Variants in SYNPO2 observed in about 807,000 individuals in gnomAD.
SYNPO2 encodes synaptopodin 2, also known as synaptopodin-2.
Under a neutral mutation model 85.0 loss-of-function variants are expected in SYNPO2, and 56 were observed. That is an observed-to-expected ratio of 0.66 (90% CI 0.53 to 0.82). The LOEUF (loss-of-function observed/expected upper bound fraction) is 0.82, where lower values mean the gene tolerates loss of function less well. SYNPO2 is among the 40% of genes least tolerant of loss of function. SYNPO2 has a pLI of 0.00. For missense variants in SYNPO2, 1,575 were observed against 1,534.2 expected (o/e 1.03, Z -0.44); for synonymous variants, 602 against 591.1 (o/e 1.02, Z -0.27).
intron 1 of SYNPO2, among the ~76,000 whole-genome samples, chr4:118,960,170 C>T (rs1425631040): frequency 6.6e-6 from 1 of 152,136 alleles, no homozygotes; most frequent in African/African-American, 2.4e-5. Context: ...CCTGCTGACA[C>T]CTTGATTTTG....
chr4:118,899,615 C>T (rs948685074), intron 1 of SYNPO2, among the ~76,000 whole-genome samples: 34 of 152,208 alleles, frequency 2.2e-4, no homozygotes, highest in Non-Finnish European at 4.4e-4. Flanking sequence ...TTTTCATTTT[C>T]GTCAATAAAT....
At chr4:118,954,165 G>C (rs1734792057) in intron 1 of SYNPO2, among the ~76,000 whole-genome samples, 1 of 152,076 alleles carries the variant, frequency 6.6e-6, no homozygotes, top group African/African-American at 2.4e-5. Context: ...TTTCATTTCA[G>C]TTTTTAAAAA....
intron 1 of SYNPO2, among the ~76,000 whole-genome samples, chr4:118,925,622 C>A (rs756129498): frequency 2.6e-5 from 4 of 152,230 alleles, no homozygotes; most frequent in Middle Eastern, 6.8e-3. Flanking sequence ...ACATTCATTA[C>A]CTTTAGACTT....
At chr4:119,032,929 T>TTGGGCC in intron 4 of SYNPO2, 1 of 905,314 alleles carries the variant, frequency 1.1e-6, no homozygotes, top group Non-Finnish European at 1.3e-6. Flanking sequence ...AAAGGTTGAT[T>TTGGGCC]CCCACCCTCC....
At chr4:118,953,986 G>T (rs1734780792) in intron 1 of SYNPO2, among the ~76,000 whole-genome samples, 1 of 152,142 alleles carries the variant, frequency 6.6e-6, no homozygotes, top group African/African-American at 2.4e-5. Flanking sequence ...CATGATTTCT[G>T]CAGGTCCTTG....
At chr4:119,007,258 A>ATG (rs1737097809) in intron 1 of SYNPO2, among the ~76,000 whole-genome samples, 2 of 48,184 alleles carry the variant, frequency 4.2e-5, no homozygotes, top group African/African-American at 1.6e-4. Context: ...ATATACATAT[A>ATG]TATATATATA....
chr4:118,914,746 T>A (rs1733254212), intron 1 of SYNPO2, among the ~76,000 whole-genome samples: 1 of 151,978 alleles, frequency 6.6e-6, no homozygotes. Context: ...AAATAAAATG[T>A]AATTGGTGAG....
intron 1 of SYNPO2, among the ~76,000 whole-genome samples, chr4:118,901,705 A>G (rs1732761506): frequency 6.6e-6 from 1 of 152,224 alleles, no homozygotes; most frequent in Non-Finnish European, 1.5e-5. Context: ...AATATATTGC[A>G]AAATACTGAA....
chr4:118,933,233 T>C (rs1033023825), intron 1 of SYNPO2, among the ~76,000 whole-genome samples: 1 of 152,212 alleles, frequency 6.6e-6, no homozygotes, highest in African/African-American at 2.4e-5. Flanking sequence ...AGGAACAAGG[T>C]AGAACTTTAA....
intron 1 of SYNPO2, among the ~76,000 whole-genome samples, chr4:118,999,604 T>C (rs193087068): frequency 1.5e-5 from 2 of 129,904 alleles, no homozygotes; most frequent in East Asian, 3.9e-4. Context: ...TGTATGCATG[T>C]ATTTATTTAT....
chr4:119,030,455 T>A lies in SYNPO2; in HGVS notation c.1680T>A (p.Gly560=). 1.2e-6 allele frequency: 2 copies of A among 1,614,156 alleles called. No homozygotes were observed. Among genetic ancestry groups the A allele is most frequent in the South Asian group, 1.1e-5 (1 of 91,082 alleles). The change falls in exon 4 of 5, where the codon GGT becomes GGA. Residue 560 remains glycine, a synonymous_variant. Coordinates refer to ENST00000307142, the MANE Select transcript of SYNPO2 (RefSeq NM_133477.3). ...AAAGCTACATCGAGGTGAGTCATGG[T>A]CTTGGCCATGTTCCCCAACAGAATG... ...VSKSYIEVSH[G]LGHVPQQNGF... is the part of the protein sequence containing the mutation.
intron 1 of SYNPO2, among the ~76,000 whole-genome samples, chr4:118,877,179 C>A (rs556159530): frequency 3.9e-5 from 6 of 152,168 alleles, no homozygotes; most frequent in Non-Finnish European, 8.8e-5. Flanking sequence ...GCTCAAGAAT[C>A]TTATTTTACC....
intron 3 of SYNPO2, 81 bp downstream of exon 3, chr4:119,027,519 C>T (rs1738023815): frequency 1.6e-6 from 2 of 1,278,180 alleles, no homozygotes; most frequent in East Asian, 5.1e-5. Context: ...AGTTTTTCAG[C>T]AAGATTTTTC....
At chr4:118,915,291 A>G (rs923806904) in intron 1 of SYNPO2, among the ~76,000 whole-genome samples, 6 of 152,076 alleles carry the variant, frequency 3.9e-5, no homozygotes, top group African/African-American at 1.4e-4. Flanking sequence ...CAATATTATC[A>G]CCCTGCCTCT....
chr4:119,057,730 T>C lies in SYNPO2; in HGVS notation c.3582T>C (p.Cys1194=). 6.2e-7 allele frequency: 1 copy of C among 1,614,176 alleles called. No individual in the cohort carries two copies. ...PQTQKAYMGS[C]GRQEYNVTAN... is the part of the protein sequence containing the mutation. ...CCCAGAAGGCCTATATGGGCTCATG[T>C]GGAAGGCAAGAGTATAATGTCACAG... Residue 1194 remains cysteine (C), a synonymous_variant, in exon 5 of 5, where the codon TGT becomes TGC. Coordinates refer to ENST00000307142, the MANE Select transcript of SYNPO2 (RefSeq NM_133477.3).
At chr4:118,887,073 A>G (rs1051749946), upstream of SYNPO2, among the ~76,000 whole-genome samples, 9 of 152,110 alleles carry the variant, frequency 5.9e-5, no homozygotes, top group African/African-American at 2.2e-4. Flanking sequence ...CCATGTCTGT[A>G]TAGGTTTTCT....
chr4:118,897,722 A>G (rs554285492), intron 1 of SYNPO2, among the ~76,000 whole-genome samples: 5 of 152,360 alleles, frequency 3.3e-5, no homozygotes, highest in Admixed American at 3.3e-4. Context: ...TGACTTCTCC[A>G]GGTCACATGG....
chr4:118,929,551 AC>A (rs1219814946), intron 1 of SYNPO2, among the ~76,000 whole-genome samples: 1 of 152,100 alleles, frequency 6.6e-6, no homozygotes, highest in Non-Finnish European at 1.5e-5. Context: ...TAATAGAAGA[AC>A]TTGTACTTCA....
intron 1 of SYNPO2, among the ~76,000 whole-genome samples, chr4:118,929,679 G>T (rs528709387): frequency 2.0e-5 from 3 of 151,704 alleles, no homozygotes; most frequent in Non-Finnish European, 4.4e-5. Flanking sequence ...CTACAAAATC[G>T]AAATAACTTT....
Sources: allele counts gnomAD v4.1 joint callset (sites outside exome capture counted in the v4.1 genomes callset), GRCh38; gene constraint gnomAD v4.1.1; transcripts MANE v1.5; gene names NCBI Gene and HGNC (gene_info 2026-07-23, HGNC 2026-07-21).